Variants in MOXD1 observed in about 807,000 individuals in gnomAD.
MOXD1 encodes the protein monooxygenase DBH like 1, also known as DBH-like monooxygenase protein 1.
Under a neutral mutation model 66.6 loss-of-function variants are expected in MOXD1, and 62 were observed. The ratio of observed to expected loss-of-function variants is 0.93; its 90% CI spans 0.76 to 1.15. MOXD1 has a LOEUF of 1.15. Among genes scored for constraint, MOXD1 ranks in the 50% most tolerant of loss-of-function variants. The pLI, the probability that MOXD1 is intolerant of heterozygous loss-of-function variation, is 0.00. For missense variants in MOXD1, 847 were observed against 754.6 expected (o/e 1.12, Z -1.44); for synonymous variants, 303 against 281.9 (o/e 1.07, Z -0.75).
intron 1 of MOXD1, among the ~76,000 whole-genome samples, chr6:132,399,788 C>T (rs992918383): frequency 2.0e-5 from 3 of 152,102 alleles, no homozygotes; most frequent in Admixed American, 6.5e-5. Flanking sequence ...TTTTAAAAAA[C>T]GTTAAATAGG....
chr6:132,328,410 C>G lies in MOXD1; in HGVS notation c.843+5G>C, dbSNP rs764092444. ...GTGTTACATCTCAGTAATCATTAGC[C>G]CCACCTCTCCACCAATAGCCCAGGC... On this transcript the variant is annotated splice_donor_5th_base_variant and intron_variant, in intron 5 of 11. Coordinates refer to ENST00000367963, the MANE Select transcript of MOXD1 (RefSeq NM_015529.4). The G allele has an allele frequency of 3.7e-6, 6 of 1,613,722 alleles. No homozygotes were observed. The highest frequency in any genetic ancestry group is 1.1e-5 in the South Asian group (1 of 91,038).
intron 4 of MOXD1, among the ~76,000 whole-genome samples, chr6:132,353,076 G>GT (rs1441040771): frequency 6.6e-6 from 1 of 152,106 alleles, no homozygotes; most frequent in Non-Finnish European, 1.5e-5. Context: ...TAGTTGATTG[G>GT]TAAGTTCTTA....
Position 132,383,651 on chromosome 6 carries a change from A to G in MOXD1, c.265-8874T>C, listed in dbSNP as rs1319001150. ...TATAGAATCATGAAAGATACAGCAT[A>G]AAATCAAAATTTTGACTCTTTATTT... On this transcript the variant is annotated intron_variant, in intron 1 of 11. Coordinates refer to ENST00000367963, the MANE Select transcript of MOXD1 (RefSeq NM_015529.4). Among the ~76,000 whole-genome samples, 5 of 152,340 alleles carry G rather than the reference A, an allele frequency of 3.3e-5. No individual in the cohort carries two copies. In the South Asian group the frequency reaches 8.3e-4, roughly 25 times the overall value.
intron 1 of MOXD1, among the ~76,000 whole-genome samples, chr6:132,378,041 G>C (rs988802200): frequency 6.6e-6 from 1 of 152,108 alleles, no homozygotes; most frequent in Non-Finnish European, 1.5e-5. Flanking sequence ...GCTGAGGCAG[G>C]AGAATTGCTT....
At position 132,376,004 on chromosome 6, in the gene MOXD1, T is replaced by C. The variant is rs138760397; in HGVS notation, c.265-1227A>G. Among the ~76,000 whole-genome samples the C allele has an allele frequency of 2.0e-5, 3 of 152,360 alleles. No individual in the cohort carries two copies. In the East Asian group the frequency reaches 5.8e-4, roughly 29 times the overall value. On this transcript the variant is annotated intron_variant, in intron 1 of 11. Coordinates refer to ENST00000367963, the MANE Select transcript of MOXD1 (RefSeq NM_015529.4). ...ATATTTTCTTTTTTGCACCATAGTT[T>C]GGTTTTATCCCCAAAATATCTTCTT... is the stretch of plus-strand genomic sequence containing the variant.
At chr6:132,345,495 C>A (rs939475699) in intron 4 of MOXD1, among the ~76,000 whole-genome samples, 5 of 152,212 alleles carry the variant, frequency 3.3e-5, no homozygotes, top group Admixed American at 3.3e-4. Flanking sequence ...TATTAGTTCT[C>A]AAAATGTTAG....
intron 4 of MOXD1, among the ~76,000 whole-genome samples, chr6:132,349,392 TACACATATATATAC>T: frequency 1.2e-5 from 1 of 86,900 alleles, no homozygotes; most frequent in African/African-American, 4.4e-5. Flanking sequence ...TATATATATA[TACACATATATATAC>T]ATATATATAT....
intron 1 of MOXD1, among the ~76,000 whole-genome samples, chr6:132,383,994 C>T (rs568406031): frequency 2.6e-5 from 4 of 152,110 alleles, no homozygotes; most frequent in South Asian, 4.1e-4. Flanking sequence ...CACTTGAACC[C>T]GGGAGGTGGA....
rs73544093 is a variant in MOXD1, at chr6:132,315,517, C to A, written c.1508+118G>T. 1,460 of 1,195,206 alleles carry A rather than the reference C, an allele frequency of 1.2e-3. 17 individuals are homozygous for A. The African/African-American group carries it at 0.021, about 17-fold the overall frequency. 74.0% of individuals were successfully genotyped at this position (1,195,206 alleles called of 1,614,324 possible). A position where few individuals can be genotyped will look rare whatever the true frequency, so the allele number is the denominator to read the frequency against. On this transcript the variant is annotated intron_variant, in intron 10 of 11. Coordinates refer to ENST00000367963, the MANE Select transcript of MOXD1 (RefSeq NM_015529.4). ...CTTGGTCTCCCCAGTTAAAAGTAAT[C>A]AAATAGAACAAACAGTGCATAAAAA...
intron 4 of MOXD1, among the ~76,000 whole-genome samples, chr6:132,369,270 C>A (rs1776214274): frequency 6.6e-6 from 1 of 152,068 alleles, no homozygotes; most frequent in Non-Finnish European, 1.5e-5. Context: ...CGGCACGTTG[C>A]TGTCAATCGG....
At chr6:132,364,980 G>C (rs557145662) in intron 4 of MOXD1, among the ~76,000 whole-genome samples, 81 of 152,154 alleles carry the variant, frequency 5.3e-4, no homozygotes, top group Middle Eastern at 6.8e-3. Context: ...AAAGATTTGT[G>C]GTTTCAGAAT....
chr6:132,372,558 T>C (rs1220971024), intron 4 of MOXD1, 50 bp downstream of exon 4: 1 of 1,446,034 alleles, frequency 6.9e-7, no homozygotes, highest in Non-Finnish European at 9.7e-7. Context: ...AACATCAATT[T>C]ATTTTTCCAC....
At chr6:132,321,077 C>G (rs911339308) in intron 8 of MOXD1, among the ~76,000 whole-genome samples, 1 of 152,126 alleles carries the variant, frequency 6.6e-6, no homozygotes, top group African/African-American at 2.4e-5. Flanking sequence ...CCAGCCTGGC[C>G]AAGATGGTGA....
At chr6:132,370,331 T>C (rs1582599117) in intron 4 of MOXD1, among the ~76,000 whole-genome samples, 1 of 152,148 alleles carries the variant, frequency 6.6e-6, no homozygotes, top group East Asian at 1.9e-4. Flanking sequence ...ATCATTAAAA[T>C]TTTGTTGAAA....
chr6:132,308,946 T>C (rs562619063), intron 10 of MOXD1, among the ~76,000 whole-genome samples: 2 of 152,340 alleles, frequency 1.3e-5, no homozygotes, highest in South Asian at 4.1e-4. Context: ...AGCATTCCCT[T>C]TGAAAACTGG....
At chr6:132,302,151 A>T (rs1774554779) in intron 10 of MOXD1, among the ~76,000 whole-genome samples, 1 of 152,172 alleles carries the variant, frequency 6.6e-6, no homozygotes, top group Non-Finnish European at 1.5e-5. Context: ...CAACTAGAAG[A>T]TTGTGACCTA....
chr6:132,373,045 T>C, intron 2 of MOXD1, 48 bp from the exon 3 acceptor site: 1 of 1,522,780 alleles, frequency 6.6e-7, no homozygotes, highest in Non-Finnish European at 8.9e-7. Context: ...AGCACTTTCC[T>C]TACCACTGAG....
Position 132,297,280 on chromosome 6 carries a change from C to A in MOXD1, c.1715G>T (p.Arg572Ile). The A allele has an allele frequency of 6.2e-7, 1 of 1,613,300 alleles. No homozygotes were observed. Among genetic ancestry groups the A allele is most frequent in the African/African-American group, 1.3e-5 (1 of 74,990 alleles). ...GMTALPPDIE[R>I]PYKAEPLVCG... ...CACCAAAGGTTCTGCTTTATAGGGT[C>A]TTTCTATATCTGGAGGTAATGCTGT... The change falls in exon 12 of 12, where the codon AGA (arginine) becomes ATA (isoleucine). Residue 572 changes from arginine to isoleucine, a missense_variant. Transcript: ENST00000367963.
intron 1 of MOXD1, among the ~76,000 whole-genome samples, chr6:132,393,326 A>T (rs958819864): frequency 6.6e-6 from 1 of 152,224 alleles, no homozygotes; most frequent in Non-Finnish European, 1.5e-5. Context: ...GAGGAGCTAA[A>T]ATAGCAATTA....
Sources: gnomAD v4.1 joint callset for allele counts (sites outside exome capture counted in the v4.1 genomes callset) on GRCh38, gnomAD v4.1.1 for gene constraint, MANE v1.5 for transcripts, NCBI Gene and HGNC (gene_info 2026-07-23, HGNC 2026-07-21) for gene names.